Variants in PHF20 observed in about 807,000 individuals in gnomAD.
PHF20 encodes PHD finger protein 20.
Under a neutral mutation model 113.5 loss-of-function variants are expected in PHF20, and 23 were observed. The observed-to-expected ratio is 0.20, with a 90% CI of 0.15 to 0.29. PHF20 has a LOEUF of 0.29. Ranked by LOEUF, PHF20 falls within the 10% of genes least tolerant of loss-of-function variation. The pLI is 1.00. For missense variants in PHF20, 943 were observed against 1,219.6 expected, an observed-to-expected ratio of 0.77 and a Z score of 3.38; for synonymous variants, 434 against 457.3, an observed-to-expected ratio of 0.95 and a Z score of 0.65.
At chr20:35,819,047 C>T (rs1193770580) in intron 2 of PHF20, among the ~76,000 whole-genome samples, 1 of 152,052 alleles carries the variant, frequency 6.6e-6, no homozygotes, top group African/African-American at 2.4e-5. Flanking sequence ...TCTCCTGCTT[C>T]AGCCTCCTGT....
chr20:35,778,543 A>G (rs1180137445), intron 1 of PHF20, among the ~76,000 whole-genome samples: 1 of 152,126 alleles, frequency 6.6e-6, no homozygotes. Flanking sequence ...TGAAGTCAGG[A>G]GTTCAAGACC....
At chr20:35,907,739 T>TA (rs1264684471) in intron 10 of PHF20, among the ~76,000 whole-genome samples, 1 of 152,242 alleles carries the variant, frequency 6.6e-6, no homozygotes, top group Non-Finnish European at 1.5e-5. Context: ...AATTCACTGA[T>TA]ACTTGGTTTA....
chr20:35,839,407 A>AAAG (rs2042503126), intron 2 of PHF20, among the ~76,000 whole-genome samples: 2 of 150,496 alleles, frequency 1.3e-5, no homozygotes, highest in Non-Finnish European at 1.5e-5. Flanking sequence ...AAAAAAAAAA[A>AAAG]AAAAGAAAGT....
At chr20:35,867,489 G>A (rs1429101134) in intron 6 of PHF20, among the ~76,000 whole-genome samples, 1 of 152,164 alleles carries the variant, frequency 6.6e-6, no homozygotes, top group Non-Finnish European at 1.5e-5. Context: ...TTGAACTCCT[G>A]AGCTCAAGTG....
intron 7 of PHF20, among the ~76,000 whole-genome samples, chr20:35,869,837 G>A (rs2054386106): frequency 6.6e-6 from 1 of 152,098 alleles, no homozygotes; most frequent in Non-Finnish European, 1.5e-5. Flanking sequence ...GGAAGGGATG[G>A]GTTTCATATG....
chr20:35,929,892 T>A (rs2055718108), intron 14 of PHF20, among the ~76,000 whole-genome samples: 1 of 152,252 alleles, frequency 6.6e-6, no homozygotes, highest in African/African-American at 2.4e-5. Flanking sequence ...AATCAAGGTG[T>A]ATCCCCACCA....
intron 10 of PHF20, among the ~76,000 whole-genome samples, chr20:35,904,528 C>T (rs140512774): frequency 2.6e-5 from 4 of 151,812 alleles, no homozygotes; most frequent in Admixed American, 6.6e-5. Context: ...CAAGTGGTCC[C>T]GAACTTGGGT....
intron 2 of PHF20, among the ~76,000 whole-genome samples, chr20:35,832,491 T>C (rs1433807848): frequency 1.3e-5 from 2 of 152,086 alleles, no homozygotes; most frequent in East Asian, 3.9e-4. Context: ...CAGATTAGGG[T>C]AAATGCTATG....
intron 10 of PHF20, among the ~76,000 whole-genome samples, chr20:35,909,975 T>A (rs551001611): frequency 6.6e-6 from 1 of 152,192 alleles, no homozygotes; most frequent in Non-Finnish European, 1.5e-5. Flanking sequence ...ACACACAAGT[T>A]GTTGTAAGGA....
intron 2 of PHF20, among the ~76,000 whole-genome samples, chr20:35,812,501 C>G (rs919466604): frequency 3.9e-5 from 6 of 152,108 alleles, no homozygotes; most frequent in Non-Finnish European, 8.8e-5. Flanking sequence ...TTAGAATGTC[C>G]CACATTCTGG....
intron 15 of PHF20, among the ~76,000 whole-genome samples, chr20:35,933,373 C>T (rs924836825): frequency 4.0e-5 from 6 of 151,790 alleles, no homozygotes; most frequent in African/African-American, 1.5e-4. Context: ...GCTAGGATTA[C>T]AGGCACATGC....
intron 2 of PHF20, among the ~76,000 whole-genome samples, chr20:35,827,747 C>T (rs1013697938): frequency 4.8e-5 from 7 of 147,234 alleles, no homozygotes; most frequent in Admixed American, 2.1e-4. Context: ...GACGCCACTG[C>T]GCTCCAGCCT....
intron 6 of PHF20, among the ~76,000 whole-genome samples, chr20:35,868,275 G>A (rs1364611950): frequency 1.3e-5 from 2 of 148,990 alleles, no homozygotes; most frequent in African/African-American, 2.5e-5. Flanking sequence ...CCTGGGCAAC[G>A]AGAGCAAAAC....
intron 2 of PHF20, among the ~76,000 whole-genome samples, chr20:35,824,477 T>G (rs1282998146): frequency 6.6e-6 from 1 of 151,762 alleles, no homozygotes; most frequent in Non-Finnish European, 1.5e-5. Flanking sequence ...TGTGGTGGCA[T>G]GTGCCTGTAG....
At chr20:35,910,732 G>A (rs946001999) in intron 10 of PHF20, among the ~76,000 whole-genome samples, 1 of 151,242 alleles carries the variant, frequency 6.6e-6, no homozygotes, top group South Asian at 2.1e-4. Context: ...GGGCTCAAGC[G>A]ATTCTCCTGC....
chr20:35,785,586 C>G (rs1250719203), intron 1 of PHF20, among the ~76,000 whole-genome samples: 1 of 151,902 alleles, frequency 6.6e-6, no homozygotes, highest in Non-Finnish European at 1.5e-5. Context: ...TCCCAATGTG[C>G]TGGGATTACT....
intron 13 of PHF20, among the ~76,000 whole-genome samples, chr20:35,923,630 T>C (rs902378042): frequency 1.3e-5 from 2 of 152,242 alleles, no homozygotes; most frequent in East Asian, 1.9e-4. Context: ...TCAGCCCTTA[T>C]CAGTTTCTTG....
At chr20:35,786,988 GTT>G (rs954417364) in intron 1 of PHF20, among the ~76,000 whole-genome samples, 6,595 of 128,444 alleles carry the variant, frequency 0.051, 156 homozygotes, top group African/African-American at 0.094. Flanking sequence ...TCTCTTTCCT[GTT>G]TTTTTTTTTT....
intron 4 of PHF20, chr20:35,853,488 A>G (rs1319914931): frequency 1.3e-5 from 2 of 152,192 alleles, no homozygotes; most frequent in Non-Finnish European, 1.5e-5. Flanking sequence ...ACACATCTGT[A>G]ATTCCAGTGC....
Sources: gnomAD v4.1 joint callset for allele counts (sites outside exome capture counted in the v4.1 genomes callset) on GRCh38, gnomAD v4.1.1 for gene constraint, MANE v1.5 for transcripts, NCBI Gene and HGNC (gene_info 2026-07-23, HGNC 2026-07-21) for gene names.